Variants in OTUD7A observed in about 807,000 individuals in gnomAD.
The protein encoded by OTUD7A is OTU domain-containing protein 7A.
OTUD7A carries 12 observed loss-of-function variants against 65.7 expected under a neutral mutation model. The ratio of observed to expected loss-of-function variants is 0.18; its 90% CI spans 0.12 to 0.30. The LOEUF is 0.30. Among genes scored for constraint, OTUD7A ranks in the 10% least tolerant of loss-of-function variants. The probability of loss-of-function intolerance (pLI) is 1.00; values close to 1 mark genes in which losing one functional copy is unlikely to be tolerated. For missense variants in OTUD7A, 1,148 were observed against 1,304.8 expected, an observed-to-expected ratio of 0.88 and a Z score of 1.85; for synonymous variants, 641 against 586.3, an observed-to-expected ratio of 1.09 and a Z score of -1.35.
At chr15:31,840,444 T>TAA (rs71471867) in intron 1 of OTUD7A, among the ~76,000 whole-genome samples, 7 of 145,928 alleles carry the variant, frequency 4.8e-5, no homozygotes, top group Non-Finnish European at 9.2e-5. Flanking sequence ...TCTCAAAAAT[T>TAA]AAAAAATAAA....
intron 3 of OTUD7A, among the ~76,000 whole-genome samples, chr15:31,591,236 T>C (rs1410109347): frequency 6.6e-6 from 1 of 151,916 alleles, no homozygotes; most frequent in Non-Finnish European, 1.5e-5. Flanking sequence ...GGAAAAGAGA[T>C]GAGACCACAA....
intron 1 of OTUD7A, among the ~76,000 whole-genome samples, chr15:31,794,980 T>C (rs1180135901): frequency 2.0e-5 from 3 of 152,222 alleles, no homozygotes; most frequent in Non-Finnish European, 2.9e-5. Flanking sequence ...TGAATAGAGA[T>C]CTATAAAAAT....
At chr15:31,775,070 G>A (rs975902263) in intron 1 of OTUD7A, among the ~76,000 whole-genome samples, 9 of 144,990 alleles carry the variant, frequency 6.2e-5, no homozygotes, top group African/African-American at 1.5e-4. Context: ...ACGTGTGTAC[G>A]CTCCCATGTC....
At chr15:31,607,750 T>C (rs890404907) in intron 3 of OTUD7A, among the ~76,000 whole-genome samples, 3 of 152,200 alleles carry the variant, frequency 2.0e-5, no homozygotes, top group African/African-American at 7.2e-5. Flanking sequence ...AGTAACATGC[T>C]GTACAGGTTT....
chr15:31,501,985 G>C, intron 9 of OTUD7A, 146 bp from the exon 10 acceptor site: 2 of 914,700 alleles, frequency 2.2e-6, no homozygotes, highest in Non-Finnish European at 3.2e-6. Context: ...CGGTGCTGAG[G>C]GATGGGGCTG....
At chr15:31,659,953 C>T (rs897199574) in intron 1 of OTUD7A, among the ~76,000 whole-genome samples, 1 of 152,256 alleles carries the variant, frequency 6.6e-6, no homozygotes, top group African/African-American at 2.4e-5. Context: ...TTTCTTGAAG[C>T]CTTGGTTGTC....
chr15:31,865,920 G>A (rs1897864672), intron 1 of OTUD7A, among the ~76,000 whole-genome samples: 1 of 152,182 alleles, frequency 6.6e-6, no homozygotes, highest in Non-Finnish European at 1.5e-5. Flanking sequence ...TCTTACTCAT[G>A]TGTATTCATT....
chr15:31,559,265 T>C, intron 4 of OTUD7A, 78 bp from the exon 5 acceptor site: 5 of 1,330,114 alleles, frequency 3.8e-6, no homozygotes, highest in Non-Finnish European at 5.2e-6. Context: ...ACACACATAC[T>C]ATGCACACAC....
At chr15:31,637,719 G>A (rs1439127505) in intron 3 of OTUD7A, among the ~76,000 whole-genome samples, 2 of 152,204 alleles carry the variant, frequency 1.3e-5, no homozygotes, top group African/African-American at 4.8e-5. Context: ...ACATTAACAG[G>A]AGTTTGTAAG....
chr15:31,512,835 T>C (rs567246601), intron 8 of OTUD7A, among the ~76,000 whole-genome samples: 1 of 152,362 alleles, frequency 6.6e-6, no homozygotes, highest in South Asian at 2.1e-4. Flanking sequence ...TAAAGTATGT[T>C]GATTTTTTTA....
intron 4 of OTUD7A, among the ~76,000 whole-genome samples, chr15:31,562,439 G>C (rs1307410255): frequency 6.6e-6 from 1 of 152,088 alleles, no homozygotes; most frequent in African/African-American, 2.4e-5. Flanking sequence ...ACACTAGCTG[G>C]GGTAGGGGGC....
intron 8 of OTUD7A, among the ~76,000 whole-genome samples, chr15:31,522,339 C>G (rs1316459873): frequency 6.6e-6 from 1 of 152,194 alleles, no homozygotes; most frequent in Non-Finnish European, 1.5e-5. Context: ...CTGCCCTCAG[C>G]ACTCCTGGTT....
chr15:31,608,797 G>T (rs1392652433), intron 3 of OTUD7A, among the ~76,000 whole-genome samples: 1 of 152,188 alleles, frequency 6.6e-6, no homozygotes, highest in East Asian at 1.9e-4. Flanking sequence ...AGCAGCGTGC[G>T]GAGGCTCGCA....
intron 1 of OTUD7A, among the ~76,000 whole-genome samples, chr15:31,744,262 G>A (rs1160261254): frequency 2.0e-5 from 3 of 152,050 alleles, no homozygotes; most frequent in African/African-American, 7.2e-5. Context: ...CCCAAGTTTG[G>A]CATGAGGCTA....
intron 1 of OTUD7A, among the ~76,000 whole-genome samples, chr15:31,693,008 A>T (rs915494746): frequency 6.6e-6 from 1 of 151,790 alleles, no homozygotes; most frequent in Non-Finnish European, 1.5e-5. Flanking sequence ...TCAAGAGAAG[A>T]GTGAGTTTCT....
At chr15:31,523,556 C>T (rs1339312445) in intron 8 of OTUD7A, among the ~76,000 whole-genome samples, 1 of 152,178 alleles carries the variant, frequency 6.6e-6, no homozygotes, top group Non-Finnish European at 1.5e-5. Context: ...GAAGCCAGCC[C>T]GCTTGGGGCC....
intron 3 of OTUD7A, among the ~76,000 whole-genome samples, chr15:31,623,481 A>T (rs57866516): frequency 0.027 from 4,115 of 152,222 alleles, 207 homozygotes; most frequent in African/African-American, 0.092. Context: ...CCCCTCCCCC[A>T]GCCTCACTGC....
chr15:31,774,910 G>A (rs756513951), intron 1 of OTUD7A, among the ~76,000 whole-genome samples: 10 of 149,826 alleles, frequency 6.7e-5, no homozygotes, highest in Non-Finnish European at 1.3e-4. Context: ...GTGGGGGTCA[G>A]GCCATCTCAT....
intron 1 of OTUD7A, among the ~76,000 whole-genome samples, chr15:31,754,094 G>C (rs1894741266): frequency 6.6e-6 from 1 of 152,030 alleles, no homozygotes; most frequent in Non-Finnish European, 1.5e-5. Context: ...TTATGGTTTT[G>C]ATTTGCATTT....
Sources: allele counts gnomAD v4.1 joint callset (sites outside exome capture counted in the v4.1 genomes callset), GRCh38; gene constraint gnomAD v4.1.1; transcripts MANE v1.5; gene names NCBI Gene and HGNC (gene_info 2026-07-23, HGNC 2026-07-21).